The following FAM178B variants were observed in gnomAD, a reference collection of about 807,000 sequenced individuals.
FAM178B encodes the protein family with sequence similarity 178 member B.
A neutral mutation model predicts 91.7 loss-of-function variants in FAM178B; 82 were observed. That is an observed-to-expected ratio of 0.89 (90% CI 0.75 to 1.07). The LOEUF (loss-of-function observed/expected upper bound fraction) is 1.07, where lower values mean the gene tolerates loss of function less well. Among genes scored for constraint, FAM178B ranks in the 50% least tolerant of loss-of-function variants. FAM178B has a pLI of 0.00. For synonymous variants in FAM178B, 368 were observed against 359.4 expected, an observed-to-expected ratio of 1.02 and a Z score of -0.27; for missense variants, 769 against 846.7, an observed-to-expected ratio of 0.91 and a Z score of 1.14.
chr2:96,964,864 A>T (rs1004994537), intron 5 of FAM178B, among the ~76,000 whole-genome samples: 1 of 152,046 alleles, frequency 6.6e-6, no homozygotes, highest in Non-Finnish European at 1.5e-5. Flanking sequence ...GCACCCAGGC[A>T]TCTGGCTTCC....
chr2:96,906,399 T>C (rs984194897), intron 12 of FAM178B, among the ~76,000 whole-genome samples: 3 of 152,036 alleles, frequency 2.0e-5, no homozygotes, highest in Admixed American at 6.5e-5. Context: ...GTTTATCCCA[T>C]GTGATATGTG....
intron 1 of FAM178B, among the ~76,000 whole-genome samples, chr2:96,973,797 C>T (rs1250450197): frequency 1.3e-5 from 2 of 151,350 alleles, no homozygotes; most frequent in African/African-American, 2.4e-5. Flanking sequence ...GGTCAGAGTT[C>T]GAGACCAGCC....
In FAM178B at chr2:96,895,075, C is replaced by T. The variant is rs563321472; in HGVS notation, c.1651-1024G>A. The T allele has an allele frequency of 7.8e-6, 10 of 1,289,448 alleles. No homozygotes were observed. In the South Asian group the frequency reaches 1.1e-4, roughly 14 times the overall value. The allele number at this position is 1,289,448 out of a possible 1,614,324, so 79.9% of individuals were successfully genotyped here. On this transcript the variant is annotated intron_variant, in intron 13 of 16. Transcript: ENST00000490605. ...CAGTCCATCACCATGAGCAAGACCACCATCATCTTCATTCCGCCTGGCCTG... is the reference window on the plus strand; with the variant it reads ...CAGTCCATCACCATGAGCAAGACCATCATCATCTTCATTCCGCCTGGCCTG...
chr2:96,905,858 ATATTTTTTTTTTTTTTT>A (rs2081042388), intron 12 of FAM178B, among the ~76,000 whole-genome samples: 1 of 16,634 alleles, frequency 6.0e-5, no homozygotes, highest in African/African-American at 3.0e-4. Context: ...ATATATATAT[ATATTTTTTTTTTTTTTT>A]TTTTTTTTTT....
At chr2:96,985,312 G>T (rs1423503102) in intron 1 of FAM178B, among the ~76,000 whole-genome samples, 1 of 152,118 alleles carries the variant, frequency 6.6e-6, no homozygotes, top group African/African-American at 2.4e-5. Flanking sequence ...GTCTTGTTCA[G>T]CTCCTTGACT....
chr2:96,914,114 G>A (rs2081203042), intron 12 of FAM178B, among the ~76,000 whole-genome samples: 1 of 152,230 alleles, frequency 6.6e-6, no homozygotes, highest in South Asian at 2.1e-4. Context: ...CAGACATGGG[G>A]GAGATGGACG....
intron 12 of FAM178B, among the ~76,000 whole-genome samples, chr2:96,903,823 G>A (rs2080980195): frequency 6.6e-6 from 1 of 152,236 alleles, no homozygotes; most frequent in African/African-American, 2.4e-5. Context: ...AAGCTCCGGT[G>A]AGGCTGGGAT....
intron 14 of FAM178B, among the ~76,000 whole-genome samples, chr2:96,880,756 G>A (rs555697873): frequency 1.3e-5 from 2 of 152,276 alleles, no homozygotes; most frequent in East Asian, 3.9e-4. Flanking sequence ...CACCGTGCCC[G>A]GAGAATTTTT....
chr2:96,971,227 T>C (rs1262836276), intron 3 of FAM178B, among the ~76,000 whole-genome samples: 3 of 127,976 alleles, frequency 2.3e-5, no homozygotes, highest in African/African-American at 5.9e-5. Context: ...CCCCTCCCCA[T>C]TGCCCTCTCC....
rs556945917 is a variant in FAM178B at position 96,887,691 on chromosome 2, T to C, written c.1776+6235A>G. Among the ~76,000 whole-genome samples the C allele has an allele frequency of 1.2e-4, 18 of 152,350 alleles. 1 individual carries two copies. In the East Asian group the frequency reaches 2.9e-3, roughly 24 times the overall value. ...GGCTCTGGATTGCAGTTTCATACGA[T>C]GTGACAGGCACTAGAGTCTATTTTC... On this transcript the variant is annotated intron_variant, in intron 14 of 16. Transcript: ENST00000490605.
intron 12 of FAM178B, among the ~76,000 whole-genome samples, chr2:96,914,990 G>T (rs1270823905): frequency 6.6e-6 from 1 of 152,034 alleles, no homozygotes; most frequent in African/African-American, 2.4e-5. Context: ...GGGGTGGGGG[G>T]CAATGGGTGA....
chr2:96,981,804 C>T (rs1354347724), intron 1 of FAM178B, among the ~76,000 whole-genome samples: 1 of 149,458 alleles, frequency 6.7e-6, no homozygotes, highest in Non-Finnish European at 1.5e-5. Flanking sequence ...CAGGGGCTCA[C>T]ACCTGTAATC....
At chr2:96,985,547 T>C (rs2082412431) in intron 1 of FAM178B, among the ~76,000 whole-genome samples, 2 of 152,158 alleles carry the variant, frequency 1.3e-5, no homozygotes, top group Non-Finnish European at 2.9e-5. Flanking sequence ...ACAAGAAAAA[T>C]AAAATAATCT....
At chr2:96,921,127 G>A (rs1265666920) in intron 12 of FAM178B, 38 bp downstream of exon 12, 4 of 1,503,524 alleles carry the variant, frequency 2.7e-6, no homozygotes, top group South Asian at 1.2e-5. Flanking sequence ...GAAGAGATGC[G>A]TGTGAGAGGG....
intron 15 of FAM178B, 100 bp from the exon 16 acceptor site, chr2:96,878,142 A>G (rs2080292684): frequency 1.5e-6 from 2 of 1,299,824 alleles, no homozygotes; most frequent in Non-Finnish European, 2.2e-6. Flanking sequence ...GAAGGGGCAC[A>G]TTTGAGTGAC....
chr2:96,968,022 C>T (rs1231526692), intron 4 of FAM178B, among the ~76,000 whole-genome samples: 5 of 148,108 alleles, frequency 3.4e-5, no homozygotes, highest in African/African-American at 5.0e-5. Context: ...GCCTCAAATG[C>T]CTGGGCTCAA....
At chr2:96,919,436 C>T (rs1336440402) in intron 12 of FAM178B, among the ~76,000 whole-genome samples, 1 of 152,188 alleles carries the variant, frequency 6.6e-6, no homozygotes, top group Non-Finnish European at 1.5e-5. Context: ...GCCTCTGCCA[C>T]CCTCCAGGTG....
In FAM178B at chr2:96,970,767, C is replaced by T. The variant is rs1192499866; in HGVS notation, c.575G>A (p.Gly192Glu). The T allele has an allele frequency of 3.2e-6, 5 of 1,550,976 alleles. No homozygotes were observed. Among genetic ancestry groups the T allele is most frequent in the South Asian group, 1.2e-5 (1 of 84,030 alleles). ...GTTGTTGAAGTAGCTTCCTGAGCCC[C>T]CCCAGGAAAACTGGAGAAACAGGAC... Reference protein sequence around the residue: ...QQAAAPEFSWGGSGSYFNNLD... With the variant: ...QQAAAPEFSWEGSGSYFNNLD... The change falls in exon 4 of 17, where the codon GGG becomes GAG. Residue 192 changes from glycine (G) to glutamate (E), a missense_variant. Physicochemically the swap from Gly to Glu is moderately conservative, Grantham distance 98 (BLOSUM62 -2). Transcript: ENST00000490605.
At chr2:96,978,118 C>T (rs1364793133) in intron 1 of FAM178B, among the ~76,000 whole-genome samples, 2 of 152,174 alleles carry the variant, frequency 1.3e-5, no homozygotes, top group Non-Finnish European at 1.5e-5. Flanking sequence ...CACCTTAGTG[C>T]ACGGAAGTCG....
Sources: allele counts gnomAD v4.1 joint callset (sites outside exome capture counted in the v4.1 genomes callset), GRCh38; gene constraint gnomAD v4.1.1; transcripts MANE v1.5; gene names NCBI Gene and HGNC (gene_info 2026-07-23, HGNC 2026-07-21).